Variants in WNT2B observed in about 807,000 individuals in gnomAD.
WNT2B encodes protein Wnt-2b.
A neutral mutation model predicts 40.5 loss-of-function variants in WNT2B; 19 were observed. The ratio of observed to expected loss-of-function variants is 0.47; its 90% CI spans 0.33 to 0.69. WNT2B has a LOEUF of 0.69. Among genes scored for constraint, WNT2B ranks in the 30% least tolerant of loss-of-function variants. The pLI is 0.02. For synonymous variants in WNT2B, 220 were observed against 211.9 expected (o/e 1.04, Z -0.33); for missense variants, 467 against 556.4 (o/e 0.84, Z 1.62).
chr1:112,525,762 C>A lies in WNT2B; in HGVS notation c.*5253C>A. 1 of 402,220 alleles carries A rather than the reference C, an allele frequency of 2.5e-6. No individual in the cohort carries two copies. Among genetic ancestry groups the A allele is most frequent in the Non-Finnish European group, 4.3e-6 (1 of 230,936 alleles). The allele number at this position is 402,220 out of a possible 1,614,324, so 24.9% of individuals were successfully genotyped here. On this transcript the variant is annotated 3_prime_UTR_variant, in exon 5 of 5. Transcript: ENST00000369684. Reference sequence around the variant, plus strand: ...CAACAGCCCCTGTAAGTAGCCCTGGCCAAACAGAAAGGCTAAGCTGAATGA... The same window carrying A: ...CAACAGCCCCTGTAAGTAGCCCTGGACAAACAGAAAGGCTAAGCTGAATGA...
rs1387211728 is a variant in WNT2B at position 112,522,396 on chromosome 1, G to A, written c.*1887G>A. The A allele has an allele frequency of 6.6e-6, 1 of 152,230 alleles. No individual in the cohort carries two copies. Among genetic ancestry groups the A allele is most frequent in the Non-Finnish European group, 1.5e-5 (1 of 68,072 alleles). 9.4% of individuals were successfully genotyped at this position (152,230 alleles called of 1,614,324 possible). ...CAGATCCTCTTCACCAAAGCCCCTG[G>A]CTGGTCTAGCCCATCATGACTTCTC... On this transcript the variant is annotated 3_prime_UTR_variant, in exon 5 of 5. Transcript: ENST00000369684.
intron 4 of WNT2B, 125 bp downstream of exon 4, chr1:112,517,510 CT>C: frequency 1.6e-6 from 2 of 1,248,300 alleles, no homozygotes; most frequent in Non-Finnish European, 2.2e-6. Flanking sequence ...GCAGTTTCCT[CT>C]CCACATGAAC....
chr1:112,480,984 C>T (rs748006365), intron 1 of WNT2B, among the ~76,000 whole-genome samples: 13 of 152,126 alleles, frequency 8.5e-5, no homozygotes, highest in Non-Finnish European at 1.5e-4. Context: ...GCCTGACCAA[C>T]ATGGAGAAAC....
chr1:112,478,321 C>T, intron 1 of WNT2B, among the ~76,000 whole-genome samples: 1 of 152,046 alleles, frequency 6.6e-6, no homozygotes, highest in South Asian at 2.1e-4. Flanking sequence ...AAAAACTTCC[C>T]AAATCTTGAG....
At chr1:112,467,597 T>G (rs1327073017) in intron 1 of WNT2B, 3 of 780,526 alleles carry the variant, frequency 3.8e-6, no homozygotes, top group Non-Finnish European at 2.4e-6. Context: ...TAAAAGTAAG[T>G]TGAATGAAGC....
rs1197100279 is a variant in WNT2B, at chr1:112,527,901, A to C, written c.*7392A>C. 6.6e-6 allele frequency: 1 copy of C among 152,238 alleles called. No individual in the cohort carries two copies. The highest frequency in any genetic ancestry group is 1.5e-5 in the Non-Finnish European group (1 of 68,050). The allele number at this position is 152,238 out of a possible 1,614,324, so 9.4% of individuals were successfully genotyped here. A position where few individuals can be genotyped will look rare whatever the true frequency, so the allele number is the denominator to read the frequency against. On this transcript the variant is annotated 3_prime_UTR_variant, in exon 5 of 5. Transcript: ENST00000369684. Reference sequence around the variant, plus strand: ...GGAAACAGTAAGGAAGGTGAACTGGAACTCTGGGGAAACTGAAAAGGTCAT... The same window carrying C: ...GGAAACAGTAAGGAAGGTGAACTGGCACTCTGGGGAAACTGAAAAGGTCAT...
chr1:112,497,193 G>T (rs1651803968), intron 1 of WNT2B, among the ~76,000 whole-genome samples: 1 of 152,136 alleles, frequency 6.6e-6, no homozygotes, highest in South Asian at 2.1e-4. Context: ...GCCTCAACGG[G>T]TCTGAGGTCT....
In WNT2B at chr1:112,515,539, C is replaced by T. The variant is rs1652495816; in HGVS notation, c.403+445C>T. On this transcript the variant is annotated intron_variant, in intron 2 of 4. Coordinates refer to ENST00000369684, the MANE Select transcript of WNT2B (RefSeq NM_024494.3). This position sits in a 1 kb window ranked among gnomAD's most constrained non-coding sequence, Gnocchi z 4.4. ...ATGTAAATATTTGGAGAGTCAGTGG[C>T]TTGGCCTCAGCTCAGCAAAAAAGCT... Among the ~76,000 whole-genome samples the T allele has an allele frequency of 6.6e-6, 1 of 152,192 alleles. No individual in the cohort carries two copies.
At chr1:112,508,713 G>GTGTC, upstream of WNT2B, 1 of 985,810 alleles carries the variant, frequency 1.0e-6, no homozygotes, top group South Asian at 4.7e-5. The surrounding 1 kb of genome is among the most constrained non-coding windows in gnomAD (Gnocchi z 4.2). Context: ...CGGTGGCGCG[G>GTGTC]TGTCGGCAGG....
rs2101158322 is a variant in WNT2B at position 112,528,575 on chromosome 1, G to A, written c.*8066G>A. On this transcript the variant is annotated 3_prime_UTR_variant, in exon 5 of 5. Coordinates refer to ENST00000369684, the MANE Select transcript of WNT2B (RefSeq NM_024494.3). The stretch of plus-strand genomic sequence containing the variant: ...AGCTCCTTATCATTTGAGATTCTGG[G>A]CTAAGTAAGAGATATCAAATATCCT... 1 of 152,288 alleles carries A rather than the reference G, an allele frequency of 6.6e-6. No individual in the cohort carries two copies. The highest frequency in any genetic ancestry group is 1.5e-5 in the Non-Finnish European group (1 of 68,024). 9.4% of individuals were successfully genotyped at this position (152,288 alleles called of 1,614,324 possible).
upstream of WNT2B, among the ~76,000 whole-genome samples, chr1:112,505,397 C>T (rs1652076888): frequency 6.6e-6 from 1 of 152,222 alleles, no homozygotes; most frequent in East Asian, 1.9e-4. Flanking sequence ...ATACCCTGGC[C>T]AGTGTTGGGC....
At chr1:112,496,606 T>G (rs1651779346) in intron 1 of WNT2B, among the ~76,000 whole-genome samples, 1 of 56,066 alleles carries the variant, frequency 1.8e-5, no homozygotes, top group African/African-American at 4.0e-5. Context: ...TTCTTTTTTG[T>G]TTTTTTTTTT....
At chr1:112,471,654 T>C (rs903794666) in intron 1 of WNT2B, among the ~76,000 whole-genome samples, 7 of 152,188 alleles carry the variant, frequency 4.6e-5, no homozygotes, top group African/African-American at 1.7e-4. Flanking sequence ...CATCAATCCA[T>C]GTGCTGCCTG....
upstream of WNT2B, chr1:112,508,673 T>C (rs754756360): frequency 1.0e-6 from 1 of 978,012 alleles, no homozygotes; most frequent in Non-Finnish European, 1.2e-6. This position sits in a 1 kb window ranked among gnomAD's most constrained non-coding sequence, Gnocchi z 4.2. Context: ...CCCATAGAAG[T>C]GGGGCTGCTG....
chr1:112,490,946 C>T, intron 1 of WNT2B: 1 of 1,491,418 alleles, frequency 6.7e-7, no homozygotes, highest in Non-Finnish European at 9.3e-7. Context: ...AATCACTCCT[C>T]TTCCTGCTGA....
chr1:112,469,304 A>G (rs1037646308), intron 1 of WNT2B, among the ~76,000 whole-genome samples: 7 of 152,228 alleles, frequency 4.6e-5, no homozygotes, highest in African/African-American at 1.7e-4. Flanking sequence ...TCAGGATTAC[A>G]TTGGCTATTC....
intron 4 of WNT2B, among the ~76,000 whole-genome samples, chr1:112,519,344 A>G (rs916813996): frequency 1.2e-4 from 19 of 152,214 alleles, no homozygotes; most frequent in Middle Eastern, 3.2e-3. Context: ...CCCGTATCCC[A>G]GTGACATTTG....
intron 1 of WNT2B, among the ~76,000 whole-genome samples, chr1:112,488,700 C>T (rs542880448): frequency 2.0e-5 from 3 of 151,826 alleles, no homozygotes; most frequent in East Asian, 1.9e-4. Flanking sequence ...TACAGGCGCT[C>T]GCCACCATGC....
upstream of WNT2B, among the ~76,000 whole-genome samples, chr1:112,506,617 G>A (rs1652113988): frequency 6.6e-6 from 1 of 152,196 alleles, no homozygotes; most frequent in Admixed American, 6.5e-5. Context: ...TGGGTTGGGA[G>A]GAGGTAAAAG....
Sources: gnomAD v4.1 joint callset for allele counts (sites outside exome capture counted in the v4.1 genomes callset) on GRCh38, gnomAD v4.1.1 for gene constraint, Gnocchi (gnomAD v3.1) non-coding constraint, MANE v1.5 for transcripts, NCBI Gene and HGNC (gene_info 2026-07-23, HGNC 2026-07-21) for gene names.